Variants in CCDC195 observed in about 807,000 individuals in gnomAD.
The protein encoded by CCDC195 is coiled-coil domain containing 195.
chr2:224,715,234 AAG>A, intron 1 of CCDC195, among the ~76,000 whole-genome samples: 1 of 152,148 alleles, frequency 6.6e-6, no homozygotes, highest in East Asian at 1.9e-4. Flanking sequence ...AGATGATTTT[AAG>A]AGTTTTGAGT....
chr2:224,704,347 C>G (rs1413959889), intron 2 of CCDC195, among the ~76,000 whole-genome samples: 1 of 152,136 alleles, frequency 6.6e-6, no homozygotes. Flanking sequence ...AGCAATAGCC[C>G]CATGCTATCT....
chr2:224,708,899 A>G (rs1689268970), intron 2 of CCDC195, among the ~76,000 whole-genome samples: 1 of 151,976 alleles, frequency 6.6e-6, no homozygotes, highest in South Asian at 2.1e-4. Flanking sequence ...CCTCATTGGG[A>G]GTTGGAAGGT....
At chr2:224,706,271 T>A (rs578081118) in intron 2 of CCDC195, among the ~76,000 whole-genome samples, 1 of 124,682 alleles carries the variant, frequency 8.0e-6, no homozygotes, top group African/African-American at 3.0e-5. Context: ...AGTGGCCCAA[T>A]GTCGGCTCAC....
At chr2:224,706,215 T>TTTTTTTTTTTTTTTTTTTTTTTTTTTTTC (rs1697239402) in intron 2 of CCDC195, among the ~76,000 whole-genome samples, 1 of 103,506 alleles carries the variant, frequency 9.7e-6, no homozygotes, top group African/African-American at 3.6e-5. Flanking sequence ...TTTTTTTTTT[T>TTTTTTTTTTTTTTTTTTTTTTTTTTTTTC]TTTTTTTTGA....
In CCDC195 at chr2:224,709,916, C is replaced by T. The variant is rs1310984332; in HGVS notation, c.482+57G>A. On this transcript the variant is annotated intron_variant, in intron 2 of 2. Coordinates refer to ENST00000638102, the Ensembl canonical transcript of CCDC195. The stretch of plus-strand genomic sequence containing the variant: ...AGACTTCATTTATCCAGGGGAAAGT[C>T]TCAGTAACCATCTCAGTATGGGCCT... 6 of 398,316 alleles carry T rather than the reference C, an allele frequency of 1.5e-5. No individual in the cohort carries two copies. In the East Asian group the frequency reaches 1.8e-4, roughly 12 times the overall value. The allele number at this position is 398,316 out of a possible 1,614,324, so 24.7% of individuals were successfully genotyped here.
At chr2:224,704,987 A>G (rs549121557) in intron 2 of CCDC195, among the ~76,000 whole-genome samples, 269 of 152,282 alleles carry the variant, frequency 1.8e-3, no homozygotes, top group African/African-American at 6.3e-3. Context: ...AATCAATAAA[A>G]TAATAACAAC....
intron 1 of CCDC195, 132 bp downstream of exon 1, chr2:224,715,999 A>G (rs1689378034): frequency 1.8e-5 from 7 of 396,606 alleles, no homozygotes. Flanking sequence ...GTAATCTACT[A>G]GGAGGAAAGG....
chr2:224,713,568 G>T (rs955343396), intron 1 of CCDC195, among the ~76,000 whole-genome samples: 2 of 152,152 alleles, frequency 1.3e-5, no homozygotes, highest in Non-Finnish European at 2.9e-5. Context: ...TATGTGACCT[G>T]CCCAGTGTTG....
intron 1 of CCDC195, among the ~76,000 whole-genome samples, chr2:224,710,498 C>T (rs535321619): frequency 5.3e-5 from 8 of 152,192 alleles, no homozygotes; most frequent in East Asian, 1.9e-4. Flanking sequence ...ATTAGCCAGG[C>T]GTGGTGGCGG....
At chr2:224,712,073 G>A (rs1041575142) in intron 1 of CCDC195, among the ~76,000 whole-genome samples, 5 of 152,128 alleles carry the variant, frequency 3.3e-5, no homozygotes, top group African/African-American at 7.2e-5. Flanking sequence ...GCAAAATTAC[G>A]TTTGTTTTTA....
intron 2 of CCDC195, among the ~76,000 whole-genome samples, chr2:224,707,963 C>A (rs906486151): frequency 2.5e-5 from 3 of 118,850 alleles, no homozygotes; most frequent in Non-Finnish European, 5.2e-5. Flanking sequence ...TACCTCCCTC[C>A]CTCCCTTCTT....
intron 2 of CCDC195, among the ~76,000 whole-genome samples, chr2:224,707,736 A>C (rs1689232442): frequency 6.6e-6 from 1 of 152,360 alleles, no homozygotes; most frequent in South Asian, 2.1e-4. Flanking sequence ...CCCAACATGC[A>C]GCACACCCTC....
chr2:224,708,968 A>G (rs1455214877), intron 2 of CCDC195, among the ~76,000 whole-genome samples: 1 of 152,072 alleles, frequency 6.6e-6, no homozygotes, highest in Non-Finnish European at 1.5e-5. Context: ...TTGTGCAGAT[A>G]AATTAGGCTT....
chr2:224,708,708 T>C (rs1689261165), intron 2 of CCDC195, among the ~76,000 whole-genome samples: 1 of 152,236 alleles, frequency 6.6e-6, no homozygotes, highest in South Asian at 2.1e-4. Context: ...TATCTCTTGA[T>C]TTGCTTTCCT....
intron 1 of CCDC195, among the ~76,000 whole-genome samples, chr2:224,712,963 G>GGTTCAAGCGGTTCTCCTGC (rs1377921895): frequency 6.6e-6 from 1 of 151,942 alleles, no homozygotes; most frequent in Non-Finnish European, 1.5e-5. Flanking sequence ...CCGCCTCCCG[G>GGTTCAAGCGGTTCTCCTGC]GTTCAAGCGG....
intron 1 of CCDC195, among the ~76,000 whole-genome samples, chr2:224,710,704 T>C (rs1170439750): frequency 2.0e-5 from 3 of 152,208 alleles, no homozygotes; most frequent in African/African-American, 7.2e-5. Context: ...GTGCCAACCA[T>C]ATGCCAGGAT....
At chr2:224,708,845 C>G (rs1689265589) in intron 2 of CCDC195, among the ~76,000 whole-genome samples, 1 of 152,142 alleles carries the variant, frequency 6.6e-6, no homozygotes, top group Admixed American at 6.5e-5. Context: ...TCCTTCTACT[C>G]ACACAAGACA....
At chr2:224,710,435 G>A (rs1020427350) in intron 1 of CCDC195, among the ~76,000 whole-genome samples, 6 of 152,190 alleles carry the variant, frequency 3.9e-5, no homozygotes, top group African/African-American at 1.2e-4. Flanking sequence ...AAGGTCAGGC[G>A]ATGGTGACCA....
Position 224,716,191 on chromosome 2 carries a change from G to T in CCDC195, c.175C>A (p.Pro59Thr), listed in dbSNP as rs563482737. ...GAAACGGCACCCTGAAGGGTTGCTG[G>T]AGATTGTCCTGGCGCTTCCTCCTCC... Residue 59 changes from proline (P) to threonine (T), a missense_variant, in exon 1 of 3, where the codon CCA becomes ACA. Transcript: ENST00000638102. 6 of 398,738 alleles carry T rather than the reference G, an allele frequency of 1.5e-5. No homozygotes were observed. In the East Asian group the frequency reaches 2.1e-4, roughly 14 times the overall value. The allele number at this position is 398,738 out of a possible 1,614,324, so 24.7% of individuals were successfully genotyped here.
Sources: gnomAD v4.1 joint callset for allele counts (sites outside exome capture counted in the v4.1 genomes callset) on GRCh38, gnomAD v4.1.1 for gene constraint, MANE v1.5 for transcripts, NCBI Gene and HGNC (gene_info 2026-07-23, HGNC 2026-07-21) for gene names.